The following TSPAN15 variants were observed in gnomAD, a reference collection of about 807,000 sequenced individuals.
TSPAN15 encodes tetraspanin-15.
Under a neutral mutation model 34.5 loss-of-function variants are expected in TSPAN15, and 20 were observed. That is an observed-to-expected ratio of 0.58 (90% CI 0.41 to 0.84). The LOEUF (loss-of-function observed/expected upper bound fraction) is 0.84. Ranked by LOEUF, TSPAN15 falls within the 40% of genes least tolerant of loss-of-function variation. The pLI is 0.00. For missense variants in TSPAN15, 313 were observed against 386.1 expected (o/e 0.81, Z 1.59); for synonymous variants, 155 against 153.9 (o/e 1.01, Z -0.05).
In TSPAN15 at chr10:69,506,941, C is replaced by T. The variant is rs143125761; in HGVS notation, c.848C>T (p.Ala283Val). The T allele has an allele frequency of 2.8e-4, 449 of 1,609,608 alleles. 7 individuals carry two copies. The highest frequency in any genetic ancestry group is 7.1e-4 in the East Asian group (32 of 44,770). ...CCCGGTGCCAAGCCCAGCGTGGAGG[C>T]GGCAGGCACGGGATGCTGCTTGTGC... ...LGPGAKPSVE[A>V]AGTGCCLCYP... The change falls in exon 8 of 8, where the codon GCG becomes GTG. Residue 283 changes from alanine (A) to valine (V), a missense_variant. Transcript: ENST00000373290. This position sits in a 1 kb window ranked among gnomAD's most constrained non-coding sequence, Gnocchi z 4.7.
At chr10:69,455,066 G>C (rs1445161905) in intron 1 of TSPAN15, among the ~76,000 whole-genome samples, 1 of 151,584 alleles carries the variant, frequency 6.6e-6, no homozygotes, top group Non-Finnish European at 1.5e-5. Context: ...CGAGGGCTGA[G>C]GTGGAGAAAC....
At chr10:69,462,123 G>A (rs1841276324) in intron 1 of TSPAN15, among the ~76,000 whole-genome samples, 1 of 150,532 alleles carries the variant, frequency 6.6e-6, no homozygotes, top group African/African-American at 2.4e-5. Context: ...TAGAACCACA[G>A]GCATGTGCCA....
At chr10:69,527,364 G>A in the TSPAN15 span, among the ~76,000 whole-genome samples, 1 of 147,734 alleles carries the variant, frequency 6.8e-6, no homozygotes, top group South Asian at 2.1e-4. Flanking sequence ...GGGAGGCTGA[G>A]ACAGGCAGAT....
the TSPAN15 span, among the ~76,000 whole-genome samples, chr10:69,524,714 G>C: frequency 7.0e-6 from 1 of 142,424 alleles, no homozygotes; most frequent in East Asian, 2.6e-4. Context: ...CAATTCAGTA[G>C]ACAAAAAAAA....
At position 69,507,064 on chromosome 10, in the gene TSPAN15, C is replaced by T; in HGVS notation, c.*86C>T. The T allele has an allele frequency of 6.5e-7, 1 of 1,547,396 alleles. No homozygotes were observed. The highest frequency in any genetic ancestry group is 8.7e-7 in the Non-Finnish European group (1 of 1,147,814). On this transcript the variant is annotated 3_prime_UTR_variant, in exon 8 of 8. Coordinates refer to ENST00000373290, the MANE Select transcript of TSPAN15 (RefSeq NM_012339.5). ...ATCGTGGGGCTGGACAGGGCTGCGG[C>T]CCCTCTGCCCACACTCAGTACTGAC...
chr10:69,502,686 C>G (rs1041380832), intron 5 of TSPAN15, among the ~76,000 whole-genome samples: 1 of 152,124 alleles, frequency 6.6e-6, no homozygotes, highest in African/African-American at 2.4e-5. Flanking sequence ...ATCGTATCCC[C>G]TCACCCCTTG....
At chr10:69,493,563 C>A (rs1330234962) in intron 3 of TSPAN15, among the ~76,000 whole-genome samples, 3 of 150,966 alleles carry the variant, frequency 2.0e-5, no homozygotes, top group African/African-American at 7.3e-5. Flanking sequence ...ACCTCTGCCT[C>A]CCAGGTTCAA....
intron 1 of TSPAN15, among the ~76,000 whole-genome samples, chr10:69,453,392 C>A (rs1841016438): frequency 6.6e-6 from 1 of 152,100 alleles, no homozygotes; most frequent in Admixed American, 6.5e-5. Flanking sequence ...TCATAGGTCC[C>A]CTAAGTCCCC....
the TSPAN15 span, among the ~76,000 whole-genome samples, chr10:69,541,705 A>G: frequency 2.0e-5 from 3 of 152,360 alleles, no homozygotes; most frequent in East Asian, 5.8e-4. Flanking sequence ...TCAAACCTCA[A>G]TTCTTGACTT....
chr10:69,512,923 A>C, the TSPAN15 span, among the ~76,000 whole-genome samples: 3 of 152,264 alleles, frequency 2.0e-5, no homozygotes, highest in Non-Finnish European at 1.5e-5. Flanking sequence ...ATAAAAACAC[A>C]TACTTTCATT....
intron 5 of TSPAN15, among the ~76,000 whole-genome samples, chr10:69,503,513 C>T (rs979144027): frequency 5.9e-5 from 9 of 152,170 alleles, no homozygotes; most frequent in South Asian, 2.1e-4. Context: ...AGTACCTCTG[C>T]GTGCCAGTTC....
chr10:69,534,861 G>A, the TSPAN15 span, among the ~76,000 whole-genome samples: 1 of 150,812 alleles, frequency 6.6e-6, no homozygotes, highest in Admixed American at 6.6e-5. Flanking sequence ...GTGCACACCT[G>A]TGGTCCTAGC....
chr10:69,515,469 G>C, the TSPAN15 span, among the ~76,000 whole-genome samples: 1 of 149,362 alleles, frequency 6.7e-6, no homozygotes, highest in African/African-American at 2.6e-5. Flanking sequence ...TCTCCTCTGA[G>C]GCTCATTTCA....
rs758779320 is a variant in TSPAN15, at chr10:69,483,760, G to C, written c.166G>C (p.Glu56Gln). ...TGAGCGGCAGAAATATAAAACCCTT[G>C]AAAGTGCCTTCCTGGCTCCAGCCAT... ...EVERQKYKTLESAFLAPAIIL... is the reference protein window; with the variant it reads ...EVERQKYKTLQSAFLAPAIIL... Residue 56 changes from glutamate to glutamine, a missense_variant, in exon 2 of 8, where the codon GAA becomes CAA. By Grantham distance (29) the Glu-to-Gln change is conservative. Coordinates refer to ENST00000373290, the MANE Select transcript of TSPAN15 (RefSeq NM_012339.5). 24 of 1,614,082 alleles carry C rather than the reference G, an allele frequency of 1.5e-5. No individual in the cohort carries two copies. Among genetic ancestry groups the C allele is most frequent in the Non-Finnish European group, 2.0e-5 (24 of 1,180,040 alleles).
chr10:69,462,476 T>G (rs2133070135), intron 1 of TSPAN15, among the ~76,000 whole-genome samples: 1 of 152,224 alleles, frequency 6.6e-6, no homozygotes, highest in East Asian at 1.9e-4. Flanking sequence ...CTTGGGACTA[T>G]GGGTGCCCAC....
chr10:69,463,519 T>C (rs112398036), intron 1 of TSPAN15, among the ~76,000 whole-genome samples: 21 of 152,144 alleles, frequency 1.4e-4, no homozygotes, highest in African/African-American at 5.1e-4. Flanking sequence ...ATCAAAAAGG[T>C]ATGTTCTTGG....
At chr10:69,548,855 G>A in the TSPAN15 span, among the ~76,000 whole-genome samples, 10 of 152,106 alleles carry the variant, frequency 6.6e-5, no homozygotes, top group African/African-American at 2.2e-4. Context: ...GGATGGAGAC[G>A]CATTGCTATA....
intron 3 of TSPAN15, chr10:69,494,761 C>A: frequency 3.0e-6 from 3 of 985,432 alleles, no homozygotes; most frequent in Non-Finnish European, 3.6e-6. Flanking sequence ...GAGAATGCCC[C>A]CTTCGTCCCC....
chr10:69,530,782 C>CTCTT, the TSPAN15 span, among the ~76,000 whole-genome samples: 370 of 45,630 alleles, frequency 8.1e-3, 42 homozygotes, highest in East Asian at 0.022. Flanking sequence ...GAGTGAGACT[C>CTCTT]TCTCTCTCTC....
Sources: allele counts gnomAD v4.1 joint callset (sites outside exome capture counted in the v4.1 genomes callset), GRCh38; gene constraint gnomAD v4.1.1; non-coding constraint Gnocchi (gnomAD v3.1); transcripts MANE v1.5; gene names NCBI Gene and HGNC (gene_info 2026-07-23, HGNC 2026-07-21).